The following GSPT1 variants were observed in gnomAD, a reference collection of about 807,000 sequenced individuals.
GSPT1 encodes eukaryotic peptide chain release factor GTP-binding subunit ERF3A.
A neutral mutation model predicts 72.5 loss-of-function variants in GSPT1; 20 were observed. The ratio of observed to expected loss-of-function variants is 0.28; its 90% CI spans 0.19 to 0.40. The LOEUF (loss-of-function observed/expected upper bound fraction) is 0.40. GSPT1 is among the 10% of genes least tolerant of loss of function. GSPT1 has a pLI of 1.00. For missense variants in GSPT1, 580 were observed against 811.9 expected (o/e 0.71, Z 3.47); for synonymous variants, 334 against 293.5 (o/e 1.14, Z -1.41).
chr16:11,880,587 G>GA (rs2054109765), intron 11 of GSPT1, among the ~76,000 whole-genome samples: 1 of 152,174 alleles, frequency 6.6e-6, no homozygotes, highest in Admixed American at 6.6e-5. Context: ...CAGCTTTTCC[G>GA]AAAGTGCAGG....
intron 1 of GSPT1, among the ~76,000 whole-genome samples, chr16:11,899,351 G>T (rs1596470791): frequency 6.6e-6 from 1 of 151,820 alleles, no homozygotes; most frequent in South Asian, 2.1e-4. Flanking sequence ...TAAGTGACAG[G>T]CTCAGACTGT....
At chr16:11,891,808 G>A (rs538088223) in intron 5 of GSPT1, among the ~76,000 whole-genome samples, 2 of 151,538 alleles carry the variant, frequency 1.3e-5, no homozygotes, top group African/African-American at 4.8e-5. Context: ...GATTACAGGC[G>A]TGTGCCACCA....
At chr16:11,903,055 T>A (rs941445822) in intron 1 of GSPT1, among the ~76,000 whole-genome samples, 2 of 151,984 alleles carry the variant, frequency 1.3e-5, no homozygotes, top group African/African-American at 4.8e-5. Context: ...AAACCCGTAT[T>A]CATTTAGCAG....
chr16:11,887,478 T>C, intron 7 of GSPT1, 92 bp downstream of exon 7: 1 of 1,034,648 alleles, frequency 9.7e-7, no homozygotes, highest in Non-Finnish European at 1.5e-6. Flanking sequence ...CACTGCAACC[T>C]GAATTTGAGC....
chr16:11,911,384 T>C (rs560348197), intron 1 of GSPT1, among the ~76,000 whole-genome samples: 1 of 152,254 alleles, frequency 6.6e-6, no homozygotes, highest in African/African-American at 2.4e-5. Context: ...CTGAACTGTA[T>C]GTACACTTTA....
At chr16:11,900,544 C>T (rs534373858) in intron 1 of GSPT1, among the ~76,000 whole-genome samples, 1 of 152,192 alleles carries the variant, frequency 6.6e-6, no homozygotes, top group East Asian at 1.9e-4. Flanking sequence ...ATCCTGTAAT[C>T]ACTACCATCT....
intron 14 of GSPT1, among the ~76,000 whole-genome samples, chr16:11,874,506 A>G (rs1339434217): frequency 7.2e-6 from 1 of 139,844 alleles, no homozygotes; most frequent in East Asian, 2.1e-4. Flanking sequence ...AGCTTTTAGG[A>G]AAAAATAATT....
intron 6 of GSPT1, among the ~76,000 whole-genome samples, chr16:11,890,425 T>C (rs1008629250): frequency 6.6e-6 from 1 of 152,178 alleles, no homozygotes; most frequent in Non-Finnish European, 1.5e-5. Flanking sequence ...ATAGTGGGCA[T>C]TAATTTAGCT....
Position 11,915,687 on chromosome 16 carries a change from C to T in GSPT1, c.34G>A (p.Gly12Ser), listed in dbSNP as rs1238851193. The change falls in exon 1 of 15, where the codon GGC becomes AGC. Residue 12 changes from glycine to serine, a missense_variant. Around this residue, in one of 6 missense-constraint regions of GSPT1, gnomAD observed 327 missense variants for 298.8 expected, o/e 1.09. Transcript: ENST00000434724. ...CCGCTGCTGCTCCCGCCGCCGCCGC[C>T]GCCGCCGCCGCCGCCGCCACTGCCC... ...DPGSGGGGGG[G>S]GGGGSSSGSS... 1.3e-6 allele frequency: 2 copies of T among 1,482,590 alleles called. No individual in the cohort carries two copies. Among genetic ancestry groups the T allele is most frequent in the East Asian group, 2.7e-5 (1 of 36,490 alleles). 91.8% of individuals were successfully genotyped at this position (1,482,590 alleles called of 1,614,324 possible). A position where few individuals can be genotyped will look rare whatever the true frequency, so the allele number is the denominator to read the frequency against.
chr16:11,873,306 C>A, intron 14 of GSPT1, 135 bp from the exon 15 acceptor site: 1 of 550,200 alleles, frequency 1.8e-6, no homozygotes, highest in East Asian at 2.9e-5. Context: ...ACTGCCAAAC[C>A]CATGATACTT....
At chr16:11,892,113 G>A (rs1222221104) in intron 5 of GSPT1, among the ~76,000 whole-genome samples, 1 of 150,704 alleles carries the variant, frequency 6.6e-6, no homozygotes, top group African/African-American at 2.4e-5. Context: ...GGAGGCTGAG[G>A]TGGGAGGATC....
intron 5 of GSPT1, among the ~76,000 whole-genome samples, chr16:11,894,155 CAAAAAAAAAAAAAAAAAAAAAAAAAA>C (rs57226427): frequency 4.0e-4 from 17 of 42,674 alleles, no homozygotes; most frequent in African/African-American, 1.1e-3. Flanking sequence ...GACCCTATCT[CAAAAAAAAAAAAAAAAAAAAAAAAAA>C]AAAAAAAAAA....
intron 1 of GSPT1, chr16:11,908,587 C>T (rs1392354477): frequency 9.4e-6 from 1 of 106,556 alleles, no homozygotes; most frequent in African/African-American, 4.8e-5. Flanking sequence ...GGTGAAACCC[C>T]GTCTCTACTA....
At position 11,915,945 on chromosome 16, in the gene GSPT1, G is replaced by A. The variant is rs540445782; in HGVS notation, c.-225C>T. 1.3e-6 allele frequency: 1 copy of A among 742,894 alleles called. No individual in the cohort carries two copies. The highest frequency in any genetic ancestry group is 2.4e-6 in the Non-Finnish European group (1 of 408,210). The allele number at this position is 742,894 out of a possible 1,614,324, so 46.0% of individuals were successfully genotyped here. A position where few individuals can be genotyped will look rare whatever the true frequency, so the allele number is the denominator to read the frequency against. On this transcript the variant is annotated 5_prime_UTR_variant, in exon 1 of 15. It adds an upstream start codon to the 5' untranslated region. Coordinates refer to ENST00000434724, the MANE Select transcript of GSPT1 (RefSeq NM_002094.4). ...CGGCGGCAGCTCAACCCTCCTCCTC[G>A]TGTGTGTGAGCGGATCTCCTCCCAC... is the stretch of plus-strand genomic sequence containing the variant.
At chr16:11,909,875 G>A (rs985761430) in intron 1 of GSPT1, among the ~76,000 whole-genome samples, 13 of 151,994 alleles carry the variant, frequency 8.6e-5, no homozygotes, top group African/African-American at 2.9e-4. Context: ...ACGGTGAGCC[G>A]AGTTAGGGCC....
chr16:11,891,541 T>C (rs749412851), intron 5 of GSPT1, among the ~76,000 whole-genome samples: 1 of 151,614 alleles, frequency 6.6e-6, no homozygotes, highest in African/African-American at 2.4e-5. Flanking sequence ...TTTGTACTTG[T>C]AGTAAAGATG....
intron 6 of GSPT1, among the ~76,000 whole-genome samples, chr16:11,889,011 A>C (rs1020378458): frequency 2.6e-5 from 4 of 152,124 alleles, no homozygotes; most frequent in African/African-American, 9.7e-5. Flanking sequence ...TTAAAGGGTA[A>C]TAATAAAACT....
At chr16:11,876,674 T>C (rs959431657) in intron 12 of GSPT1, among the ~76,000 whole-genome samples, 1 of 151,930 alleles carries the variant, frequency 6.6e-6, no homozygotes, top group Non-Finnish European at 1.5e-5. Flanking sequence ...ATCCCGGAGG[T>C]GGAGGTTGCA....
At chr16:11,903,007 G>A (rs1394218804) in intron 1 of GSPT1, among the ~76,000 whole-genome samples, 2 of 151,898 alleles carry the variant, frequency 1.3e-5, no homozygotes, top group South Asian at 2.1e-4. Context: ...GTGAGCCACC[G>A]CGCCCGGCTT....
Sources: gnomAD v4.1 joint callset for allele counts (sites outside exome capture counted in the v4.1 genomes callset) on GRCh38, gnomAD v4.1.1 for gene constraint, gnomAD v4.1.1 regional missense constraint, MANE v1.5 for transcripts, NCBI Gene and HGNC (gene_info 2026-07-23, HGNC 2026-07-21) for gene names.